The following ASAP1 variants were observed in gnomAD, a reference collection of about 807,000 sequenced individuals.
ASAP1 encodes ArfGAP with SH3 domain, ankyrin repeat and PH domain 1, also known as arf-GAP with SH3 domain, ANK repeat and PH domain-containing protein 1.
In ASAP1, 43 loss-of-function variants were observed where a neutral mutation model predicts 145.2. The observed-to-expected ratio is 0.30, with a 90% CI of 0.23 to 0.38. The LOEUF is 0.38. ASAP1 is among the 10% of genes least tolerant of loss of function. The probability of loss-of-function intolerance (pLI) is 1.00; values close to 1 mark genes in which losing one functional copy is unlikely to be tolerated. For missense variants in ASAP1, 1,018 were observed against 1,355.3 expected, an observed-to-expected ratio of 0.75 and a Z score of 3.91; for synonymous variants, 546 against 515.5, an observed-to-expected ratio of 1.06 and a Z score of -0.80.
chr8:130,208,212 G>C (rs997348134), intron 5 of ASAP1, among the ~76,000 whole-genome samples: 1 of 152,004 alleles, frequency 6.6e-6, no homozygotes, highest in African/African-American at 2.4e-5. Context: ...TTATCAAAAC[G>C]AAAAAACAGA....
chr8:130,160,961 T>A (rs531478810), intron 11 of ASAP1, among the ~76,000 whole-genome samples: 181 of 152,310 alleles, frequency 1.2e-3, no homozygotes, highest in Non-Finnish European at 2.2e-3. Flanking sequence ...AGATTCAGGA[T>A]AAACTTTGGG....
chr8:130,088,646 C>T (rs986589372), intron 25 of ASAP1, among the ~76,000 whole-genome samples: 2 of 152,112 alleles, frequency 1.3e-5, no homozygotes, highest in African/African-American at 2.4e-5. Context: ...GCTTCTAATA[C>T]TGAAAGAATA....
At chr8:130,328,475 CCCT>C (rs1824477020) in intron 3 of ASAP1, among the ~76,000 whole-genome samples, 1 of 152,040 alleles carries the variant, frequency 6.6e-6, no homozygotes, top group East Asian at 1.9e-4. Flanking sequence ...ATCATCTGCC[CCCT>C]GTGGTAGGCC....
At chr8:130,234,711 C>T (rs951359257) in intron 4 of ASAP1, among the ~76,000 whole-genome samples, 1 of 152,104 alleles carries the variant, frequency 6.6e-6, no homozygotes, top group Admixed American at 6.6e-5. Flanking sequence ...GAGCCCTCAG[C>T]ACGGTAAATA....
intron 24 of ASAP1, among the ~76,000 whole-genome samples, chr8:130,093,512 CAA>C (rs1374076415): frequency 6.6e-6 from 1 of 151,602 alleles, no homozygotes; most frequent in East Asian, 1.9e-4. Flanking sequence ...ACTAAAAATA[CAA>C]AAATTAGCCA....
rs549798189 is a variant in ASAP1, at chr8:130,059,591, C to T, written c.3192+988G>A. ...TCGCCTCTTCCCAAAGTGCTGGGTA[C>T]TGTAACATTTTATAACAGAATGTGA... On this transcript the variant is annotated intron_variant, in intron 28 of 29. Transcript: ENST00000518721. 1.5e-3 allele frequency among the ~76,000 whole-genome samples: 230 copies of T among 152,254 alleles called. 2 individuals are homozygous for T. The highest frequency in any genetic ancestry group is 3.4e-3 in the Middle Eastern group (1 of 294).
At chr8:130,191,365 G>A (rs1815128301) in intron 5 of ASAP1, among the ~76,000 whole-genome samples, 1 of 152,158 alleles carries the variant, frequency 6.6e-6, no homozygotes, top group South Asian at 2.1e-4. Context: ...AAAGGTTTGT[G>A]GGTCCCCTCA....
chr8:130,110,686 G>A lies in ASAP1; in HGVS notation c.2401+1408C>T, dbSNP rs749624757. On this transcript the variant is annotated intron_variant, in intron 24 of 29. Transcript: ENST00000518721. ...TGAGGATAGCTGTTCATGCCAAAGC[G>A]TTATTTTAACTTTTCTCTATTACTT... 4.8e-4 allele frequency among the ~76,000 whole-genome samples: 73 copies of A among 152,168 alleles called. 2 individuals are homozygous for A. Among genetic ancestry groups the A allele is most frequent in the Non-Finnish European group, 1.5e-4 (10 of 68,038 alleles).
At chr8:130,229,748 C>A (rs961608655) in intron 4 of ASAP1, among the ~76,000 whole-genome samples, 9 of 152,302 alleles carry the variant, frequency 5.9e-5, no homozygotes, top group African/African-American at 1.2e-4. Context: ...CTTTAAAAAA[C>A]CCCAAAATAG....
At chr8:130,327,955 T>C (rs1399592910) in intron 3 of ASAP1, among the ~76,000 whole-genome samples, 1 of 152,050 alleles carries the variant, frequency 6.6e-6, no homozygotes. Flanking sequence ...GGAGAAATGC[T>C]CAATATAAAA....
chr8:130,256,744 TA>T (rs1819550130), intron 3 of ASAP1, among the ~76,000 whole-genome samples: 2 of 28,776 alleles, frequency 7.0e-5, no homozygotes, highest in African/African-American at 2.5e-4. Context: ...CATTCTTATA[TA>T]TATATATATA....
rs546630189 is a variant in ASAP1 at position 130,133,269 on chromosome 8, GA to G, written c.1217+1026del. Among the ~76,000 whole-genome samples the G allele has an allele frequency of 1.1e-4, 16 of 152,332 alleles. 1 individual carries two copies. In the South Asian group the frequency reaches 3.3e-3, roughly 32 times the overall value. ...CGTCTAGACAGGCTACAGGAAAGAA[GA>G]GGGAATAAAGACAGCTCAGGACCAG... On this transcript the variant is annotated intron_variant, in intron 15 of 29. Coordinates refer to ENST00000518721, the MANE Select transcript of ASAP1 (RefSeq NM_018482.4).
intron 3 of ASAP1, among the ~76,000 whole-genome samples, chr8:130,315,984 T>G (rs1823641755): frequency 6.6e-6 from 1 of 152,220 alleles, no homozygotes; most frequent in Non-Finnish European, 1.5e-5. Context: ...CCTTCGCCTG[T>G]GCCCTTCGGG....
At chr8:130,404,793 G>T (rs985718468) in intron 1 of ASAP1, among the ~76,000 whole-genome samples, 4 of 152,168 alleles carry the variant, frequency 2.6e-5, no homozygotes, top group African/African-American at 7.2e-5. Context: ...TCACTGACTT[G>T]CTGTAGCCAA....
chr8:130,440,821 A>T (rs1033848591), intron 1 of ASAP1, among the ~76,000 whole-genome samples: 1 of 151,998 alleles, frequency 6.6e-6, no homozygotes, highest in Non-Finnish European at 1.5e-5. Flanking sequence ...CCATTTTCCA[A>T]TCTCAGAAAG....
chr8:130,219,784 A>G (rs968713150), intron 4 of ASAP1, among the ~76,000 whole-genome samples: 8 of 152,212 alleles, frequency 5.3e-5, no homozygotes, highest in African/African-American at 1.9e-4. Context: ...AGAAGGCAAG[A>G]TAATTGTTTT....
chr8:130,428,713 C>CCAT (rs1209973970), intron 1 of ASAP1, among the ~76,000 whole-genome samples: 1 of 150,608 alleles, frequency 6.6e-6, no homozygotes, highest in East Asian at 2.0e-4. Context: ...ATCACTACCA[C>CCAT]CATCATCATC....
chr8:130,263,126 G>A (rs138883395), intron 3 of ASAP1, among the ~76,000 whole-genome samples: 2 of 152,134 alleles, frequency 1.3e-5, no homozygotes, highest in Non-Finnish European at 2.9e-5. Context: ...GTCTGATTAC[G>A]TGTGTTGATC....
At position 130,202,802 on chromosome 8, in the gene ASAP1, A is replaced by G. The variant is rs75041667; in HGVS notation, c.405+11754T>C. On this transcript the variant is annotated intron_variant, in intron 5 of 29. Transcript: ENST00000518721. ...AGAACTCAATTATATCCAACTTCAAAGTCAAGCTATTTCTGCCAATTTTCT... is the reference window on the plus strand; with the variant it reads ...AGAACTCAATTATATCCAACTTCAAGGTCAAGCTATTTCTGCCAATTTTCT... 3.3e-3 allele frequency among the ~76,000 whole-genome samples: 498 copies of G among 152,280 alleles called. 16 individuals carry two copies. The East Asian group carries it at 0.079, about 24-fold the overall frequency.
Sources: gnomAD v4.1 joint callset for allele counts (sites outside exome capture counted in the v4.1 genomes callset) on GRCh38, gnomAD v4.1.1 for gene constraint, MANE v1.5 for transcripts, NCBI Gene and HGNC (gene_info 2026-07-23, HGNC 2026-07-21) for gene names.